Variants in ATP9A observed in about 807,000 individuals in gnomAD.
The protein encoded by ATP9A is probable phospholipid-transporting ATPase IIA.
Under a neutral mutation model 144.1 loss-of-function variants are expected in ATP9A, and 52 were observed. The ratio of observed to expected loss-of-function variants is 0.36; its 90% CI spans 0.29 to 0.45. The LOEUF is 0.45. ATP9A is among the 20% of genes least tolerant of loss of function. The probability of loss-of-function intolerance (pLI) is 1.00; values close to 1 mark genes in which losing one functional copy is unlikely to be tolerated. For missense variants in ATP9A, 947 were observed against 1,392.7 expected, an observed-to-expected ratio of 0.68 and a Z score of 5.09; for synonymous variants, 582 against 557.4, an observed-to-expected ratio of 1.04 and a Z score of -0.62.
At chr20:51,694,164 G>T in intron 6 of ATP9A, 62 bp from the exon 7 acceptor site, 1 of 1,392,852 alleles carries the variant, frequency 7.2e-7, no homozygotes, top group African/African-American at 1.4e-5. Context: ...GGCAGCTCTG[G>T]GCAGCGTCTG....
intron 2 of ATP9A, among the ~76,000 whole-genome samples, chr20:51,726,916 T>TTGG (rs1400051551): frequency 8.5e-6 from 1 of 118,166 alleles, no homozygotes; most frequent in Non-Finnish European, 1.7e-5. Flanking sequence ...TTTTTTTTTT[T>TTGG]GAGACGGAGC....
intron 22 of ATP9A, among the ~76,000 whole-genome samples, chr20:51,615,288 G>C (rs2077198974): frequency 6.6e-6 from 1 of 152,156 alleles, no homozygotes; most frequent in South Asian, 2.1e-4. Context: ...AATGCTCACT[G>C]TTCTATTTCA....
chr20:51,760,725 CAA>C (rs397864467), intron 1 of ATP9A, among the ~76,000 whole-genome samples: 5 of 105,432 alleles, frequency 4.7e-5, no homozygotes, highest in Admixed American at 1.1e-4. Context: ...GACTCCGTCT[CAA>C]AAAAAAAAAA....
At position 51,751,581 on chromosome 20, in the gene ATP9A, GT is replaced by G. The variant is rs151203522; in HGVS notation, c.68+16720del. Among the ~76,000 whole-genome samples, 10 of 151,308 alleles carry G rather than the reference GT, an allele frequency of 6.6e-5. No homozygotes were observed. The East Asian group carries it at 2.0e-3, about 30-fold the overall frequency. On this transcript the variant is annotated intron_variant, in intron 1 of 27. Coordinates refer to ENST00000338821, the MANE Select transcript of ATP9A (RefSeq NM_006045.3). ...CTGTTGCTCCTATTCCTTTTTGTTT[GT>G]TTTTTGTTTTTGTTTTGTTTTGTTT...
intron 9 of ATP9A, among the ~76,000 whole-genome samples, chr20:51,684,845 C>G (rs1258121958): frequency 6.6e-6 from 1 of 150,596 alleles, no homozygotes; most frequent in South Asian, 2.1e-4. Context: ...CCCGTCTCTA[C>G]TAAAAACACA....
chr20:51,714,221 C>G (rs538833575), intron 3 of ATP9A, among the ~76,000 whole-genome samples: 1 of 151,546 alleles, frequency 6.6e-6, no homozygotes, highest in African/African-American at 2.4e-5. Context: ...CTCGCTCTGT[C>G]ACCCAGGCAG....
At chr20:51,645,272 C>G (rs1367458710) in intron 14 of ATP9A, among the ~76,000 whole-genome samples, 1 of 152,176 alleles carries the variant, frequency 6.6e-6, no homozygotes, top group Non-Finnish European at 1.5e-5. Context: ...GTAATCCCAG[C>G]ACTTTGGGAA....
chr20:51,629,072 C>T lies in ATP9A; in HGVS notation c.1669G>A (p.Asp557Asn). The change falls in exon 16 of 28, where the codon GAT (aspartate) becomes AAT (asparagine). Residue 557 changes from aspartate to asparagine, a missense_variant and splice_region_variant. Coordinates refer to ENST00000338821, the MANE Select transcript of ATP9A (RefSeq NM_006045.3). Reference protein sequence around the residue: ...ESKRMGIIVRDESTGEITFYM... With the variant: ...ESKRMGIIVRNESTGEITFYM... The stretch of plus-strand genomic sequence containing the variant: ...AACGTAATTTCTCCAGTTGATTCAT[C>T]CTAGAGAGGGAGGCCGGAAGGAATG... The T allele has an allele frequency of 1.2e-6, 2 of 1,612,078 alleles. No individual in the cohort carries two copies. The highest frequency in any genetic ancestry group is 1.7e-6 in the Non-Finnish European group (2 of 1,178,180).
intron 15 of ATP9A, among the ~76,000 whole-genome samples, chr20:51,637,648 C>T (rs965364937): frequency 1.3e-5 from 2 of 151,560 alleles, no homozygotes; most frequent in Non-Finnish European, 2.9e-5. Flanking sequence ...GGGGCAGGGC[C>T]ATGTGCCCAA....
chr20:51,620,248 A>G lies in ATP9A; in HGVS notation c.2116-1205T>C, dbSNP rs1568788383. Among the ~76,000 whole-genome samples the G allele has an allele frequency of 2.0e-5, 3 of 152,236 alleles. No homozygotes were observed. In the East Asian group the frequency reaches 5.8e-4, roughly 29 times the overall value. ...AACGAGCCGGTCTGTCTACACTCCA[A>G]TAAAACAAAATACCTGCTGTTTAGA... On this transcript the variant is annotated intron_variant, in intron 19 of 27. Transcript: ENST00000338821.
intron 7 of ATP9A, 90 bp from the exon 8 acceptor site, chr20:51,690,909 T>C (rs1404363948): frequency 9.7e-7 from 1 of 1,033,682 alleles, no homozygotes; most frequent in African/African-American, 1.6e-5. Flanking sequence ...AGCAACTATA[T>C]TTCCCACACA....
intron 19 of ATP9A, 126 bp downstream of exon 19, chr20:51,621,948 G>T (rs1304460462): frequency 1.3e-6 from 1 of 788,088 alleles, no homozygotes; most frequent in Non-Finnish European, 2.1e-6. Context: ...AACCGTGGTT[G>T]ATGCTCCCCA....
chr20:51,607,993 G>A (rs1413356104), intron 25 of ATP9A, among the ~76,000 whole-genome samples: 4 of 147,490 alleles, frequency 2.7e-5, no homozygotes, highest in Non-Finnish European at 4.4e-5. Context: ...GTAGTGAGCC[G>A]AGATCGAGCC....
intron 1 of ATP9A, among the ~76,000 whole-genome samples, chr20:51,765,926 C>T (rs970217579): frequency 3.3e-5 from 5 of 151,976 alleles, no homozygotes; most frequent in African/African-American, 1.2e-4. Context: ...CATTGCACTC[C>T]AGGCAACAAG....
chr20:51,625,775 A>T (rs2077245996), intron 17 of ATP9A, among the ~76,000 whole-genome samples: 1 of 152,232 alleles, frequency 6.6e-6, no homozygotes, highest in African/African-American at 2.4e-5. Context: ...TTTTCTAAAG[A>T]CCAAGTCGAG....
chr20:51,662,546 A>C (rs1341529260), intron 13 of ATP9A, among the ~76,000 whole-genome samples: 1 of 40,834 alleles, frequency 2.4e-5, no homozygotes, highest in African/African-American at 5.8e-5. Context: ...CTCTGTCTCA[A>C]AAAAAAAAAA....
intron 17 of ATP9A, 96 bp downstream of exon 17, chr20:51,627,504 A>T (rs973708497): frequency 1.8e-6 from 2 of 1,141,698 alleles, no homozygotes; most frequent in East Asian, 2.4e-5. Flanking sequence ...CAGAAATGAC[A>T]TCAGAATGGC....
chr20:51,670,587 G>A (rs191038342), intron 12 of ATP9A, among the ~76,000 whole-genome samples: 9 of 152,140 alleles, frequency 5.9e-5, no homozygotes, highest in South Asian at 4.2e-4. Flanking sequence ...TTGGTGAGCC[G>A]CCCAGGATCT....
At chr20:51,697,607 C>T in intron 4 of ATP9A, 125 bp from the exon 5 acceptor site, 1 of 767,972 alleles carries the variant, frequency 1.3e-6, no homozygotes, top group East Asian at 2.7e-5. Context: ...CACACAGCTG[C>T]CAGTGACTCC....
Sources: gnomAD v4.1 joint callset for allele counts (sites outside exome capture counted in the v4.1 genomes callset) on GRCh38, gnomAD v4.1.1 for gene constraint, MANE v1.5 for transcripts, NCBI Gene and HGNC (gene_info 2026-07-23, HGNC 2026-07-21) for gene names.